Variants in MIA2 observed in about 807,000 individuals in gnomAD.
The protein encoded by MIA2 is melanoma inhibitory activity protein 2.
A neutral mutation model predicts 167.8 loss-of-function variants in MIA2; 127 were observed. That is an observed-to-expected ratio of 0.76 (90% CI 0.66 to 0.88). MIA2 has a LOEUF of 0.88. Among genes scored for constraint, MIA2 ranks in the 40% least tolerant of loss-of-function variants. The probability of loss-of-function intolerance (pLI) is 0.00; values close to 1 mark genes in which losing one functional copy is unlikely to be tolerated. For missense variants in MIA2, 1,690 were observed against 1,624.7 expected (o/e 1.04, Z -0.69); for synonymous variants, 552 against 541.9 (o/e 1.02, Z -0.26).
In MIA2 at chr14:39,286,895, G is replaced by GTGTGTGTA. The variant is rs1555365931; in HGVS notation, c.2131-4121_2131-4120insGTGTATGT. ...TGTGTGTGTGTGTGTGTGTGTGTGT[G>GTGTGTGTA]TGTATTTTTTGGTAGAGACAGGGTT... On this transcript the variant is annotated intron_variant, in intron 9 of 28. Coordinates refer to ENST00000640607, the MANE Select transcript of MIA2 (RefSeq NM_001329214.4). 1.4e-3 allele frequency among the ~76,000 whole-genome samples: 205 copies of GTGTGTGTA among 149,304 alleles called. 2 individuals carry two copies. Among genetic ancestry groups the GTGTGTGTA allele is most frequent in the East Asian group, 9.1e-3 (45 of 4,966 alleles).
intron 13 of MIA2, among the ~76,000 whole-genome samples, chr14:39,295,775 G>A (rs867830637): frequency 1.3e-5 from 2 of 152,030 alleles, no homozygotes; most frequent in Non-Finnish European, 2.9e-5. Context: ...GGCCAGGATG[G>A]TCTCAATCTC....
downstream of MIA2, among the ~76,000 whole-genome samples, chr14:39,351,591 G>A (rs1054117765): frequency 2.0e-5 from 3 of 152,128 alleles, no homozygotes; most frequent in African/African-American, 7.2e-5. Context: ...AGTTATGGGG[G>A]TGGAGACTTC....
chr14:39,297,819 C>G (rs758901594), intron 13 of MIA2, among the ~76,000 whole-genome samples: 2 of 151,966 alleles, frequency 1.3e-5, no homozygotes, highest in Admixed American at 6.6e-5. Context: ...TTGGCCAGTC[C>G]TCCTTTTTTC....
chr14:39,345,778 C>A, intron 25 of MIA2, 126 bp from the exon 26 acceptor site: 1 of 702,340 alleles, frequency 1.4e-6, no homozygotes, highest in Non-Finnish European at 2.3e-6. Flanking sequence ...CTACTGTTGT[C>A]AACCAAGAAG....
chr14:39,340,393 G>A (rs1402517481), intron 25 of MIA2, among the ~76,000 whole-genome samples: 1 of 152,200 alleles, frequency 6.6e-6, no homozygotes, highest in Non-Finnish European at 1.5e-5. Context: ...GACATATAGT[G>A]TACAGCTAAA....
chr14:39,302,517 A>G (rs977570792), intron 15 of MIA2, among the ~76,000 whole-genome samples: 1 of 152,008 alleles, frequency 6.6e-6, no homozygotes, highest in Non-Finnish European at 1.5e-5. Context: ...TATTATAGCC[A>G]TTTTCAAAAT....
At chr14:39,330,800 C>T (rs527461273) in intron 25 of MIA2, among the ~76,000 whole-genome samples, 21 of 152,246 alleles carry the variant, frequency 1.4e-4, no homozygotes, top group African/African-American at 5.1e-4. Flanking sequence ...ATCCTGAGTT[C>T]TAATTTGATT....
intron 13 of MIA2, among the ~76,000 whole-genome samples, chr14:39,299,638 T>G (rs2062077208): frequency 6.6e-6 from 1 of 152,182 alleles, no homozygotes. Flanking sequence ...TGGTAAGAAA[T>G]GATCAAATCT....
chr14:39,321,043 GGGA>G lies in MIA2; in HGVS notation c.3490_3492del (p.Gly1164del). 6.2e-7 allele frequency: 1 copy of G among 1,612,676 alleles called. No homozygotes were observed. Among genetic ancestry groups the G allele is most frequent in the Non-Finnish European group, 8.5e-7 (1 of 1,179,422 alleles). On this transcript the variant is annotated inframe_deletion, in exon 24 of 29. Coordinates refer to ENST00000640607, the MANE Select transcript of MIA2 (RefSeq NM_001329214.4). Reference sequence around the variant, plus strand: ...TCAGACTCTCACCTTTGCTTCCAGGGGGAGGAGGAAGAGGTATATTGTTTAAAC... The same window carrying G: ...TCAGACTCTCACCTTTGCTTCCAGGGGGAGGAAGAGGTATATTGTTTAAAC...
intron 25 of MIA2, among the ~76,000 whole-genome samples, chr14:39,343,808 C>T (rs1033767697): frequency 6.6e-6 from 1 of 151,924 alleles, no homozygotes; most frequent in African/African-American, 2.4e-5. Context: ...TGTATATGTG[C>T]ATATGAGGGT....
At chr14:39,304,408 A>G (rs759328315) in intron 17 of MIA2, 27 bp downstream of exon 17, 1 of 1,251,868 alleles carries the variant, frequency 8.0e-7, no homozygotes, top group Non-Finnish European at 1.1e-6. Context: ...CATACTTTTA[A>G]TGTTTTTCTA....
At chr14:39,314,411 C>A (rs1317188169) in intron 19 of MIA2, among the ~76,000 whole-genome samples, 1 of 150,068 alleles carries the variant, frequency 6.7e-6, no homozygotes. Flanking sequence ...TGACCAACAT[C>A]TGAATAAATC....
At chr14:39,355,825 C>T (rs6571926), downstream of MIA2, among the ~76,000 whole-genome samples, 44,601 of 151,964 alleles carry the variant, frequency 0.29, 6,861 homozygotes, top group East Asian at 0.5. Context: ...TGGTTTTTGT[C>T]GTTGGTTCTG....
chr14:39,337,436 C>T (rs2070699692), intron 25 of MIA2, among the ~76,000 whole-genome samples: 1 of 152,134 alleles, frequency 6.6e-6, no homozygotes, highest in Non-Finnish European at 1.5e-5. Context: ...ACCAACAAGA[C>T]CTAACTGACA....
chr14:39,369,114 C>A (rs542661356), intron 23 of MIA2, among the ~76,000 whole-genome samples: 1 of 152,178 alleles, frequency 6.6e-6, no homozygotes, highest in African/African-American at 2.4e-5. Context: ...TTTCCTGTTA[C>A]ATGGCTTTCT....
chr14:39,329,597 G>T (rs1179345782), intron 25 of MIA2, among the ~76,000 whole-genome samples: 2 of 150,432 alleles, frequency 1.3e-5, no homozygotes, highest in African/African-American at 4.9e-5. Flanking sequence ...CTGTGAGTTT[G>T]TCATAAATAG....
intron 1 of MIA2, among the ~76,000 whole-genome samples, chr14:39,234,441 T>A (rs1259513083): frequency 1.3e-5 from 2 of 152,184 alleles, no homozygotes; most frequent in Admixed American, 1.3e-4. Context: ...AAAATCAGTC[T>A]GCTATAGAAA....
At chr14:39,355,935 G>T (rs2074511276), downstream of MIA2, among the ~76,000 whole-genome samples, 1 of 152,172 alleles carries the variant, frequency 6.6e-6, no homozygotes, top group African/African-American at 2.4e-5. Flanking sequence ...TTTTTGATGT[G>T]CTGTGGATTC....
At chr14:39,255,087 T>C (rs1189905879) in intron 6 of MIA2, among the ~76,000 whole-genome samples, 1 of 152,222 alleles carries the variant, frequency 6.6e-6, no homozygotes, top group East Asian at 1.9e-4. Flanking sequence ...CAGAGGCCTC[T>C]TCCTCACTTA....
Sources: gnomAD v4.1 joint callset for allele counts (sites outside exome capture counted in the v4.1 genomes callset) on GRCh38, gnomAD v4.1.1 for gene constraint, MANE v1.5 for transcripts, NCBI Gene and HGNC (gene_info 2026-07-23, HGNC 2026-07-21) for gene names.